Variants in ST3GAL2 observed in about 807,000 individuals in gnomAD.
ST3GAL2 encodes the protein CMP-N-acetylneuraminate-beta-galactosamide-alpha-2,3-sialyltransferase 2.
ST3GAL2 carries 16 observed loss-of-function variants against 37.5 expected under a neutral mutation model. That is an observed-to-expected ratio of 0.43 (90% CI 0.29 to 0.65). The LOEUF is 0.65. Among genes scored for constraint, ST3GAL2 ranks in the 30% least tolerant of loss-of-function variants. The probability of loss-of-function intolerance (pLI) is 0.17; values close to 1 mark genes in which losing one functional copy is unlikely to be tolerated. For synonymous variants in ST3GAL2, 238 were observed against 202.9 expected, an observed-to-expected ratio of 1.17 and a Z score of -1.47; for missense variants, 383 against 487.8, an observed-to-expected ratio of 0.79 and a Z score of 2.02.
At chr16:70,434,195 T>C (rs2047809410) in intron 1 of ST3GAL2, among the ~76,000 whole-genome samples, 1 of 152,136 alleles carries the variant, frequency 6.6e-6, no homozygotes, top group Non-Finnish European at 1.5e-5. Context: ...TCCCAGCAGT[T>C]TGGGAGGCCG....
chr16:70,384,861 T>G (rs1039692890), intron 4 of ST3GAL2, among the ~76,000 whole-genome samples: 16 of 149,516 alleles, frequency 1.1e-4, no homozygotes, highest in African/African-American at 3.7e-4. Context: ...ATACAAAAAT[T>G]AGCCGGGTAT....
intron 3 of ST3GAL2, among the ~76,000 whole-genome samples, chr16:70,394,048 G>A (rs2047499318): frequency 1.3e-5 from 2 of 152,122 alleles, no homozygotes; most frequent in South Asian, 2.1e-4. Context: ...AGAAAACGCA[G>A]GCTCTGGAGC....
At chr16:70,421,287 C>T (rs1436515718) in intron 1 of ST3GAL2, among the ~76,000 whole-genome samples, 2 of 152,226 alleles carry the variant, frequency 1.3e-5, no homozygotes, top group Non-Finnish European at 2.9e-5. Context: ...GTGGCAATAT[C>T]GCTGCTGTGA....
intron 1 of ST3GAL2, among the ~76,000 whole-genome samples, chr16:70,426,515 C>CTT (rs1306374449): frequency 2.8e-4 from 37 of 132,498 alleles, no homozygotes; most frequent in African/African-American, 9.8e-4. Flanking sequence ...AAGTGTTTTT[C>CTT]TTTTTTTTTT....
At chr16:70,395,752 G>A (rs1026054574) in intron 2 of ST3GAL2, among the ~76,000 whole-genome samples, 3 of 152,102 alleles carry the variant, frequency 2.0e-5, no homozygotes, top group African/African-American at 7.2e-5. Flanking sequence ...ACCATGAAAC[G>A]AGGCAGCACC....
At chr16:70,433,295 C>T (rs1188441989) in intron 1 of ST3GAL2, among the ~76,000 whole-genome samples, 2 of 152,110 alleles carry the variant, frequency 1.3e-5, no homozygotes, top group East Asian at 1.9e-4. Context: ...CTCCTCCCTC[C>T]CTCCTCTCCC....
rs2047362472 is a variant in ST3GAL2, at chr16:70,378,014, G to A, written c.*3675C>T. 6.6e-6 allele frequency: 1 copy of A among 151,988 alleles called. No homozygotes were observed. Among genetic ancestry groups the A allele is most frequent in the South Asian group, 2.1e-4 (1 of 4,818 alleles). 9.4% of individuals were successfully genotyped at this position (151,988 alleles called of 1,614,324 possible). On this transcript the variant is annotated 3_prime_UTR_variant, in exon 7 of 7. Transcript: ENST00000342907. Reference sequence around the variant, plus strand: ...TATCAACTCACATGGGCAAATAAATGGAAACAATAACAGCAATAGACGGGA... The same window carrying A: ...TATCAACTCACATGGGCAAATAAATAGAAACAATAACAGCAATAGACGGGA...
In ST3GAL2 at chr16:70,398,905, C is replaced by T. The variant is rs1205458870; in HGVS notation, c.-375G>A. 6.5e-6 allele frequency: 3 copies of T among 462,890 alleles called. No individual in the cohort carries two copies. Among genetic ancestry groups the T allele is most frequent in the African/African-American group, 2.0e-5 (1 of 51,094 alleles). The allele number at this position is 462,890 out of a possible 1,614,324, so 28.7% of individuals were successfully genotyped here. A position where few individuals can be genotyped will look rare whatever the true frequency, so the allele number is the denominator to read the frequency against. On this transcript the variant is annotated 5_prime_UTR_variant, in exon 2 of 7. Coordinates refer to ENST00000342907, the MANE Select transcript of ST3GAL2 (RefSeq NM_006927.4). ...CAGCTCTAGGGGTCCCCCTCTTTGG[C>T]GGCTTGAAATAATCCAGTCTGGAGC...
At chr16:70,399,928 C>G (rs985249646) in intron 1 of ST3GAL2, 6 of 152,764 alleles carry the variant, frequency 3.9e-5, no homozygotes, top group African/African-American at 1.4e-4. Flanking sequence ...TCTCTGGAGC[C>G]TGTCAGTGCC....
chr16:70,439,040 C>CCGCCGCCGT lies in ST3GAL2; in HGVS notation c.-1104_-1096dup, dbSNP rs1158879487. 1.6e-4 allele frequency: 26 copies of CCGCCGCCGT among 164,534 alleles called. No homozygotes were observed. Among genetic ancestry groups the CCGCCGCCGT allele is most frequent in the African/African-American group, 6.3e-4 (26 of 41,244 alleles). 10.2% of individuals were successfully genotyped at this position (164,534 alleles called of 1,614,324 possible). ...AAAGCCGTCGCCGCCGCCGCCGCCG[C>CCGCCGCCGT]CGCCGCCGTCGTCCGGACCCGTTAG... On this transcript the variant is annotated 5_prime_UTR_variant, in exon 1 of 7. Coordinates refer to ENST00000342907, the MANE Select transcript of ST3GAL2 (RefSeq NM_006927.4).
At chr16:70,429,125 G>A (rs1226200242) in intron 1 of ST3GAL2, among the ~76,000 whole-genome samples, 3 of 152,188 alleles carry the variant, frequency 2.0e-5, no homozygotes, top group Non-Finnish European at 4.4e-5. Flanking sequence ...AGTTGTCCAG[G>A]GAGATGCCAG....
intron 1 of ST3GAL2, among the ~76,000 whole-genome samples, chr16:70,421,408 C>T (rs2047713524): frequency 6.6e-6 from 1 of 152,226 alleles, no homozygotes; most frequent in South Asian, 2.1e-4. Context: ...TGCTGCCCAT[C>T]CTCAAGGACT....
At chr16:70,437,982 T>TCTAG (rs1331530480) in intron 1 of ST3GAL2, among the ~76,000 whole-genome samples, 1 of 152,184 alleles carries the variant, frequency 6.6e-6, no homozygotes, top group African/African-American at 2.4e-5. Context: ...CCAGCACCTC[T>TCTAG]CTAGCCCCTT....
At chr16:70,388,581 G>T in intron 3 of ST3GAL2, 35 bp from the exon 4 acceptor site, 1 of 1,531,796 alleles carries the variant, frequency 6.5e-7, no homozygotes, top group East Asian at 2.3e-5. Flanking sequence ...AGAATCAACT[G>T]CCATGGAAAC....
At chr16:70,436,197 G>A (rs561004129) in intron 1 of ST3GAL2, among the ~76,000 whole-genome samples, 1 of 151,776 alleles carries the variant, frequency 6.6e-6, no homozygotes, top group Non-Finnish European at 1.5e-5. Context: ...GGAGGCCAAG[G>A]CGGGCGGATC....
chr16:70,437,877 C>G (rs184386406), intron 1 of ST3GAL2, among the ~76,000 whole-genome samples: 1 of 152,156 alleles, frequency 6.6e-6, no homozygotes, highest in South Asian at 2.1e-4. Context: ...GTCCCAAAGA[C>G]GAGGCGGGAG....
chr16:70,415,371 AGCCCTCCGGGCG>A (rs2047668916), intron 1 of ST3GAL2, among the ~76,000 whole-genome samples: 2 of 151,806 alleles, frequency 1.3e-5, no homozygotes, highest in Non-Finnish European at 2.9e-5. Context: ...ACTAGATTAC[AGCCCTCCGGGCG>A]GCACGGGGAA....
At chr16:70,436,315 G>C (rs2151683110) in intron 1 of ST3GAL2, among the ~76,000 whole-genome samples, 1 of 151,690 alleles carries the variant, frequency 6.6e-6, no homozygotes, top group East Asian at 1.9e-4. Context: ...GTAATCCTAG[G>C]TTCCTGTCAC....
intron 1 of ST3GAL2, among the ~76,000 whole-genome samples, chr16:70,414,704 ACT>A (rs1567674197): frequency 6.6e-6 from 1 of 151,934 alleles, no homozygotes; most frequent in East Asian, 1.9e-4. Context: ...ATAGAGTCTC[ACT>A]CTGTCATCCA....
Sources: gnomAD v4.1 joint callset for allele counts (sites outside exome capture counted in the v4.1 genomes callset) on GRCh38, gnomAD v4.1.1 for gene constraint, MANE v1.5 for transcripts, NCBI Gene and HGNC (gene_info 2026-07-23, HGNC 2026-07-21) for gene names.